Variants in EYS observed in about 807,000 individuals in gnomAD.
EYS encodes the protein protein eyes shut homolog.
In EYS, 250 loss-of-function variants were observed where a neutral mutation model predicts 282.1. That is an observed-to-expected ratio of 0.89 (90% CI 0.80 to 0.98). EYS has a LOEUF of 0.98. Ranked by LOEUF, EYS falls within the 50% of genes least tolerant of loss-of-function variation. The probability of loss-of-function intolerance (pLI) is 0.00; values close to 1 mark genes in which losing one functional copy is unlikely to be tolerated. For synonymous variants in EYS, 1,355 were observed against 1,282.9 expected, an observed-to-expected ratio of 1.06 and a Z score of -1.20; for missense variants, 4,016 against 3,709.0, an observed-to-expected ratio of 1.08 and a Z score of -2.15.
At chr6:64,438,124 A>T (rs1774813282) in intron 27 of EYS, among the ~76,000 whole-genome samples, 1 of 151,670 alleles carries the variant, frequency 6.6e-6, no homozygotes, top group African/African-American at 2.4e-5. Context: ...TTTCAAATGA[A>T]GTTGGTTTCA....
intron 12 of EYS, among the ~76,000 whole-genome samples, chr6:65,080,011 G>A (rs1344471815): frequency 6.6e-6 from 1 of 152,040 alleles, no homozygotes; most frequent in Admixed American, 6.6e-5. Flanking sequence ...TGGCAAAGAG[G>A]AAAAGGATTT....
chr6:65,633,927 C>T (rs1347085249), intron 2 of EYS, among the ~76,000 whole-genome samples: 4 of 152,238 alleles, frequency 2.6e-5, no homozygotes, highest in South Asian at 2.1e-4. Context: ...CAGTGCTCTT[C>T]GGCCTTTGCC....
intron 8 of EYS, among the ~76,000 whole-genome samples, chr6:65,379,502 C>T (rs1486150367): frequency 6.6e-6 from 1 of 151,990 alleles, no homozygotes; most frequent in Non-Finnish European, 1.5e-5. Context: ...AAACCCATAG[C>T]CAATATCATA....
chr6:64,350,598 A>G (rs115280014), intron 29 of EYS, among the ~76,000 whole-genome samples: 20 of 151,678 alleles, frequency 1.3e-4, no homozygotes, highest in African/African-American at 4.8e-4. Context: ...GTCTCTCGTT[A>G]TCTGTTTTGG....
At chr6:64,177,709 G>A (rs1056235670) in intron 31 of EYS, among the ~76,000 whole-genome samples, 5 of 152,048 alleles carry the variant, frequency 3.3e-5, no homozygotes, top group Admixed American at 6.6e-5. Flanking sequence ...ATTCACACTT[G>A]TTATGTCTAT....
chr6:64,111,707 T>C (rs935297356), intron 31 of EYS, among the ~76,000 whole-genome samples: 10 of 152,062 alleles, frequency 6.6e-5, no homozygotes, highest in Admixed American at 5.2e-4. Context: ...TCTTCCCAGC[T>C]AGATGACTTT....
At chr6:65,365,744 G>A (rs1764893243) in intron 8 of EYS, among the ~76,000 whole-genome samples, 1 of 151,606 alleles carries the variant, frequency 6.6e-6, no homozygotes, top group African/African-American at 2.4e-5. Context: ...AAAGACAAGT[G>A]ACTAAAGATT....
chr6:64,451,283 C>T (rs1052475666), intron 26 of EYS, among the ~76,000 whole-genome samples: 1 of 152,182 alleles, frequency 6.6e-6, no homozygotes, highest in Non-Finnish European at 1.5e-5. Context: ...TTCCATGACA[C>T]ACACACTCTC....
chr6:65,443,561 T>C (rs899490745), intron 5 of EYS, among the ~76,000 whole-genome samples: 1 of 148,136 alleles, frequency 6.8e-6, no homozygotes, highest in African/African-American at 2.6e-5. Flanking sequence ...CGCATACATG[T>C]ATACACACAT....
At chr6:65,105,133 A>T (rs1774998625) in intron 12 of EYS, among the ~76,000 whole-genome samples, 1 of 151,776 alleles carries the variant, frequency 6.6e-6, no homozygotes, top group Admixed American at 6.6e-5. Flanking sequence ...CTTTTGAATA[A>T]TCACATACAG....
chr6:64,132,407 C>T (rs901317825), intron 31 of EYS, among the ~76,000 whole-genome samples: 1 of 151,668 alleles, frequency 6.6e-6, no homozygotes, highest in African/African-American at 2.4e-5. Flanking sequence ...CTTATGGAGA[C>T]AGTGTAGATA....
At chr6:64,705,012 G>T (rs952961093) in intron 22 of EYS, among the ~76,000 whole-genome samples, 1 of 151,944 alleles carries the variant, frequency 6.6e-6, no homozygotes, top group African/African-American at 2.4e-5. Context: ...ATAATAAAGG[G>T]TGGTAAAGAG....
chr6:63,894,266 C>G (rs1773477723), intron 35 of EYS, among the ~76,000 whole-genome samples: 1 of 152,108 alleles, frequency 6.6e-6, no homozygotes, highest in Admixed American at 6.5e-5. Context: ...GTAATCAAGT[C>G]AGGATGAGAC....
At chr6:63,732,589 T>C (rs546437379) in intron 41 of EYS, among the ~76,000 whole-genome samples, 5 of 152,332 alleles carry the variant, frequency 3.3e-5, no homozygotes, top group African/African-American at 1.2e-4. Context: ...CGCCCAATTA[T>C]TTCTTGTATG....
intron 12 of EYS, among the ~76,000 whole-genome samples, chr6:65,268,206 T>C (rs1767808713): frequency 6.6e-6 from 1 of 152,068 alleles, no homozygotes; most frequent in Admixed American, 6.6e-5. Flanking sequence ...AATATGTATG[T>C]GAAATAGATT....
At chr6:64,191,291 C>A (rs937496873) in intron 31 of EYS, among the ~76,000 whole-genome samples, 16 of 151,844 alleles carry the variant, frequency 1.1e-4, no homozygotes, top group African/African-American at 3.6e-4. Flanking sequence ...CTTATATACT[C>A]AGCTAAAATA....
chr6:64,559,974 G>A (rs1178787057), intron 26 of EYS, among the ~76,000 whole-genome samples: 3 of 152,068 alleles, frequency 2.0e-5, no homozygotes, highest in East Asian at 3.9e-4. Context: ...ACGTGTTCTC[G>A]TCATCTAGCT....
At chr6:65,218,516 T>C (rs764336971) in intron 12 of EYS, among the ~76,000 whole-genome samples, 2 of 152,134 alleles carry the variant, frequency 1.3e-5, no homozygotes, top group Non-Finnish European at 2.9e-5. Context: ...GTACCAGTTG[T>C]AAGCTGAGGC....
chr6:65,235,489 A>G (rs1281530711), intron 12 of EYS, among the ~76,000 whole-genome samples: 1 of 152,144 alleles, frequency 6.6e-6, no homozygotes, highest in African/African-American at 2.4e-5. Context: ...TAGTTATTTC[A>G]CATATCATAT....
Sources: allele counts gnomAD v4.1 joint callset (sites outside exome capture counted in the v4.1 genomes callset), GRCh38; gene constraint gnomAD v4.1.1; transcripts MANE v1.5; gene names NCBI Gene and HGNC (gene_info 2026-07-23, HGNC 2026-07-21).